The following RCOR1 variants were observed in gnomAD, a reference collection of about 807,000 sequenced individuals.
RCOR1 encodes REST corepressor.
In RCOR1, 12 loss-of-function variants were observed where a neutral mutation model predicts 64.0. That is an observed-to-expected ratio of 0.19 (90% CI 0.12 to 0.30). The LOEUF (loss-of-function observed/expected upper bound fraction) is 0.30, where lower values mean the gene tolerates loss of function less well. Among genes scored for constraint, RCOR1 ranks in the 10% least tolerant of loss-of-function variants. RCOR1 has a pLI of 1.00. For synonymous variants in RCOR1, 279 were observed against 227.2 expected (o/e 1.23, Z -2.05); for missense variants, 502 against 621.2 (o/e 0.81, Z 2.04).
At chr14:102,692,757 T>TTCCTTCC (rs1491180654) in intron 3 of RCOR1, among the ~76,000 whole-genome samples, 34 of 49,396 alleles carry the variant, frequency 6.9e-4, no homozygotes, top group Admixed American at 1.4e-3. Flanking sequence ...TCCTTCCTTC[T>TTCCTTCC]TTTTCTTTTT....
intron 2 of RCOR1, among the ~76,000 whole-genome samples, chr14:102,676,692 A>C (rs1425737482): frequency 6.5e-5 from 5 of 76,434 alleles, no homozygotes; most frequent in Admixed American, 1.4e-4. Context: ...CTGACCCCCC[A>C]CCTCCCTCCC....
intron 2 of RCOR1, among the ~76,000 whole-genome samples, chr14:102,646,850 G>A (rs1311790979): frequency 6.6e-6 from 1 of 152,210 alleles, no homozygotes; most frequent in African/African-American, 2.4e-5. Context: ...CACACAGTGG[G>A]AGAGGGAGGG....
chr14:102,626,312 G>A (rs1426164583), intron 2 of RCOR1, among the ~76,000 whole-genome samples: 1 of 152,122 alleles, frequency 6.6e-6, no homozygotes, highest in African/African-American at 2.4e-5. Flanking sequence ...AGCTTTTACT[G>A]GGCTAATACT....
chr14:102,593,380 C>T (rs1452548855), intron 2 of RCOR1, 55 bp downstream of exon 2: 1 of 1,452,936 alleles, frequency 6.9e-7, no homozygotes. Context: ...CCCCGGGTCC[C>T]CGGCGAGCCC....
chr14:102,726,321 T>A, intron 11 of RCOR1, 147 bp from the exon 12 acceptor site: 1 of 696,596 alleles, frequency 1.4e-6, no homozygotes. Flanking sequence ...GTGAGACCTG[T>A]CTCCCCTCCA....
chr14:102,692,995 A>AC (rs1895569394), intron 3 of RCOR1, among the ~76,000 whole-genome samples: 1 of 151,920 alleles, frequency 6.6e-6, no homozygotes, highest in Admixed American at 6.6e-5. Flanking sequence ...TGAATTCCTG[A>AC]CCTCAAGTGA....
chr14:102,708,321 C>A (rs1042222938), intron 5 of RCOR1, 144 bp from the exon 6 acceptor site: 1 of 568,352 alleles, frequency 1.8e-6, no homozygotes, highest in African/African-American at 1.9e-5. Flanking sequence ...AGGATGGTCT[C>A]CATCTCCTGA....
intron 2 of RCOR1, among the ~76,000 whole-genome samples, chr14:102,645,882 A>G (rs1894469197): frequency 6.6e-6 from 1 of 152,196 alleles, no homozygotes; most frequent in Non-Finnish European, 1.5e-5. Context: ...AGCCGCCTCC[A>G]CAAGGTCTCT....
Position 102,720,993 on chromosome 14 carries a change from T to C in RCOR1, c.1054-14T>C. Reference sequence around the variant, plus strand: ...TTTTTATTTTTAAAATGAAAATTATTTTTTCCTTCCTAGATCCAGAATATT... The same window carrying C: ...TTTTTATTTTTAAAATGAAAATTATCTTTTCCTTCCTAGATCCAGAATATT... On this transcript the variant is annotated splice_polypyrimidine_tract_variant and intron_variant, in intron 8 of 11. Transcript: ENST00000262241. 1.4e-6 allele frequency: 2 copies of C among 1,393,392 alleles called. No homozygotes were observed. Among genetic ancestry groups the C allele is most frequent in the Non-Finnish European group, 2.0e-6 (2 of 1,015,386 alleles). 86.3% of individuals were successfully genotyped at this position (1,393,392 alleles called of 1,614,324 possible). A position where few individuals can be genotyped will look rare whatever the true frequency, so the allele number is the denominator to read the frequency against.
intron 2 of RCOR1, among the ~76,000 whole-genome samples, chr14:102,671,434 C>T (rs1309735856): frequency 3.3e-5 from 5 of 152,236 alleles, no homozygotes; most frequent in African/African-American, 7.2e-5. Flanking sequence ...CTCCCTCTGT[C>T]GCCCAGGCTG....
chr14:102,708,432 A>G (rs771166980), intron 5 of RCOR1, 33 bp from the exon 6 acceptor site: 9 of 1,206,194 alleles, frequency 7.5e-6, no homozygotes, highest in East Asian at 7.0e-5. Flanking sequence ...TTACTTTTTT[A>G]TTTAAATAAA....
chr14:102,641,080 C>T (rs1045377450), intron 2 of RCOR1, among the ~76,000 whole-genome samples: 3 of 151,926 alleles, frequency 2.0e-5, no homozygotes, highest in African/African-American at 4.8e-5. Flanking sequence ...GTTGAAACCC[C>T]ATCTCTACTA....
intron 2 of RCOR1, among the ~76,000 whole-genome samples, chr14:102,636,251 T>C (rs1373531137): frequency 4.0e-5 from 6 of 151,776 alleles, no homozygotes; most frequent in Non-Finnish European, 8.8e-5. Flanking sequence ...AGAAACTGTT[T>C]CTAAAAAAAA....
rs959983787 is a variant in RCOR1, at chr14:102,624,732, C to G, written c.361+31407C>G. On this transcript the variant is annotated intron_variant, in intron 2 of 11. Transcript: ENST00000262241. ...AGTGAGCTGAGATCTTACCCCTACA[C>G]TCCAGCCTGGGTGATAGGACGAGAC... 7.2e-5 allele frequency among the ~76,000 whole-genome samples: 11 copies of G among 152,000 alleles called. No individual in the cohort carries two copies. In the East Asian group the frequency reaches 2.1e-3, roughly 29 times the overall value.
chr14:102,621,367 C>CTT lies in RCOR1; in HGVS notation c.361+28067_361+28068dup, dbSNP rs35481023. On this transcript the variant is annotated intron_variant, in intron 2 of 11. Transcript: ENST00000262241. ...AACTGTCTTGCACACCAGTCTTTGT[C>CTT]TTTTTTTTTTTTTTTTTTTTTTTTT... 2.3e-3 allele frequency among the ~76,000 whole-genome samples: 179 copies of CTT among 78,512 alleles called. 5 individuals are homozygous for CTT. Among genetic ancestry groups the CTT allele is most frequent in the African/African-American group, 7.4e-3 (145 of 19,662 alleles). 51.5% of individuals were successfully genotyped at this position (78,512 alleles called of 152,430 possible).
At chr14:102,593,570 C>T (rs1201357656) in intron 2 of RCOR1, among the ~76,000 whole-genome samples, 3 of 152,240 alleles carry the variant, frequency 2.0e-5, no homozygotes, top group Admixed American at 6.5e-5. Context: ...CCCCTTGCGC[C>T]TCCGAGGACT....
chr14:102,657,423 G>A (rs982462699), intron 2 of RCOR1: 1 of 985,056 alleles, frequency 1.0e-6, no homozygotes, highest in African/African-American at 1.7e-5. Context: ...TGATGTTTTT[G>A]TTGCTTAAGT....
At chr14:102,670,511 C>A (rs904927369) in intron 2 of RCOR1, among the ~76,000 whole-genome samples, 2 of 151,868 alleles carry the variant, frequency 1.3e-5, no homozygotes, top group Non-Finnish European at 2.9e-5. Flanking sequence ...TAAATATACA[C>A]AATATATATA....
chr14:102,721,710 GC>G (rs999480302), intron 10 of RCOR1, among the ~76,000 whole-genome samples: 1 of 152,022 alleles, frequency 6.6e-6, no homozygotes, highest in Admixed American at 6.6e-5. Flanking sequence ...ATTCCTTTGG[GC>G]TTTTTTCTTT....
Sources: gnomAD v4.1 joint callset for allele counts (sites outside exome capture counted in the v4.1 genomes callset) on GRCh38, gnomAD v4.1.1 for gene constraint, MANE v1.5 for transcripts, NCBI Gene and HGNC (gene_info 2026-07-23, HGNC 2026-07-21) for gene names.